The following FMO2 variants were observed in gnomAD, a reference collection of about 807,000 sequenced individuals.
FMO2 encodes the protein flavin-containing monooxygenase 2.
In FMO2, 33 loss-of-function variants were observed where a neutral mutation model predicts 41.6. That is an observed-to-expected ratio of 0.79 (90% confidence interval 0.60 to 1.06). FMO2 has a LOEUF of 1.06. Among genes scored for constraint, FMO2 ranks in the 50% least tolerant of loss-of-function variants. FMO2 has a pLI of 0.00. For missense variants in FMO2, 619 were observed against 632.9 expected, an observed-to-expected ratio of 0.98 and a Z score of 0.23; for synonymous variants, 214 against 219.6, an observed-to-expected ratio of 0.97 and a Z score of 0.23.
chr1:171,193,399 T>C lies in FMO2; in HGVS notation c.197T>C (p.Met66Thr). Residue 66 changes from methionine to threonine, a missense_variant, in exon 3 of 9, where the codon ATG becomes ACG. By Grantham distance (81) the Met-to-Thr change is moderately conservative. Coordinates refer to ENST00000209929, the MANE Select transcript of FMO2 (RefSeq NM_001460.5). ...GTCGTTACCAACACCAGCAAAGAAA[T>C]GTCCTGTTTCAGTGACTTTCCAATG... ...QSVVTNTSKE[M>T]SCFSDFPMPE... 1 of 1,610,350 alleles carries C rather than the reference T, an allele frequency of 6.2e-7. No individual in the cohort carries two copies. The highest frequency in any genetic ancestry group is 2.2e-5 in the East Asian group (1 of 44,870).
At chr1:171,200,591 C>A (rs999154837) in intron 5 of FMO2, among the ~76,000 whole-genome samples, 1 of 152,136 alleles carries the variant, frequency 6.6e-6, no homozygotes, top group African/African-American at 2.4e-5. Flanking sequence ...AAACATGACA[C>A]CCGCCCAGCA....
chr1:171,196,148 T>C (rs1658300265), intron 3 of FMO2, among the ~76,000 whole-genome samples: 1 of 152,248 alleles, frequency 6.6e-6, no homozygotes, highest in South Asian at 2.1e-4. Context: ...GTACATGCCA[T>C]GGTAAACTAT....
Position 171,212,070 on chromosome 1 carries a change from T to G in FMO2, c.*2925T>G, listed in dbSNP as rs182851855. On this transcript the variant is annotated 3_prime_UTR_variant, in exon 9 of 9. Coordinates refer to ENST00000209929, the MANE Select transcript of FMO2 (RefSeq NM_001460.5). ...CTGCAGTTTACAATTTTTGTTCTTC[T>G]CCTGTAAAGAATGTCAATGGTTATC... Among the ~76,000 whole-genome samples, 102 of 152,348 alleles carry G rather than the reference T, an allele frequency of 6.7e-4. No homozygotes were observed. Among genetic ancestry groups the G allele is most frequent in the African/African-American group, 2.0e-3 (83 of 41,588 alleles).
intron 2 of FMO2, among the ~76,000 whole-genome samples, chr1:171,189,277 T>C (rs1362730142): frequency 6.6e-6 from 1 of 152,214 alleles, no homozygotes; most frequent in Non-Finnish European, 1.5e-5. Context: ...CAGATGTATA[T>C]GTTTAGTTAT....
intron 2 of FMO2, among the ~76,000 whole-genome samples, chr1:171,189,882 A>G (rs1233400944): frequency 6.6e-6 from 1 of 152,158 alleles, no homozygotes; most frequent in African/African-American, 2.4e-5. Flanking sequence ...ACAAGGAAGT[A>G]AGAAGAGTTT....
Position 171,199,364 on chromosome 1 carries a change from G to C in FMO2, c.503G>C (p.Gly168Ala). 2 of 1,608,942 alleles carry C rather than the reference G, an allele frequency of 1.2e-6. No individual in the cohort carries two copies. Among genetic ancestry groups the C allele is most frequent in the Non-Finnish European group, 1.7e-6 (2 of 1,177,740 alleles). ...CCTGAAGGTATGGAGAGGTTCAAAGGCCAATATTTCCATAGCCGCCAATAC... is the reference window on the plus strand; with the variant it reads ...CCTGAAGGTATGGAGAGGTTCAAAGCCCAATATTTCCATAGCCGCCAATAC... ...KSFPGMERFK[G>A]QYFHSRQYKH... The change falls in exon 5 of 9, where the codon GGC (glycine) becomes GCC (alanine). Residue 168 changes from glycine (G) to alanine (A), a missense_variant. Transcript: ENST00000209929.
chr1:171,202,631 C>T (rs1373214760), intron 5 of FMO2, among the ~76,000 whole-genome samples: 1 of 152,214 alleles, frequency 6.6e-6, no homozygotes, highest in East Asian at 1.9e-4. Context: ...TTAATACCCC[C>T]ATTTTACAGA....
intron 7 of FMO2, 31 bp downstream of exon 7, chr1:171,205,665 G>T (rs746800737): frequency 2.2e-6 from 3 of 1,390,046 alleles, no homozygotes; most frequent in South Asian, 2.8e-5. Context: ...GTGGCTAAGC[G>T]TTTCAGATCT....
chr1:171,186,588 A>G (rs1054715227), intron 2 of FMO2, among the ~76,000 whole-genome samples: 3 of 152,142 alleles, frequency 2.0e-5, no homozygotes, highest in African/African-American at 7.2e-5. Context: ...CGCACTCACT[A>G]TCATGAGAAC....
chr1:171,204,114 G>T, intron 6 of FMO2, 50 bp downstream of exon 6: 1 of 1,300,986 alleles, frequency 7.7e-7, no homozygotes, highest in Non-Finnish European at 1.1e-6. Context: ...GAGCAAAGTT[G>T]TCTGAAGGTG....
Position 171,209,856 on chromosome 1 carries a change from A to T in FMO2, c.*711A>T, listed in dbSNP as rs1658912555. The T allele has an allele frequency of 6.6e-6, 1 of 152,222 alleles. No homozygotes were observed. The highest frequency in any genetic ancestry group is 2.4e-5 in the African/African-American group (1 of 41,452). 9.4% of individuals were successfully genotyped at this position (152,222 alleles called of 1,614,324 possible). A position where few individuals can be genotyped will look rare whatever the true frequency, so the allele number is the denominator to read the frequency against. On this transcript the variant is annotated 3_prime_UTR_variant, in exon 9 of 9. Transcript: ENST00000209929. ...AGACATTGTGCTATGTGCATATCAT[A>T]TGTATTATTTCATTTAATTCTCACA...
intron 1 of FMO2, 33 bp from the exon 2 acceptor site, chr1:171,185,675 T>A (rs1657810898): frequency 1.2e-6 from 2 of 1,610,460 alleles, no homozygotes; most frequent in Non-Finnish European, 1.7e-6. Context: ...GTTGTCCCAG[T>A]TAAGTAATGT....
At chr1:171,197,453 A>G (rs933440911) in intron 4 of FMO2, among the ~76,000 whole-genome samples, 1 of 152,220 alleles carries the variant, frequency 6.6e-6, no homozygotes, top group African/African-American at 2.4e-5. Flanking sequence ...AAGTTTGCTC[A>G]GGTGATTTTA....
intron 3 of FMO2, among the ~76,000 whole-genome samples, chr1:171,195,615 C>A (rs748765188): frequency 2.0e-5 from 3 of 152,136 alleles, no homozygotes; most frequent in Non-Finnish European, 4.4e-5. Context: ...ACCAACCCAG[C>A]AGTTGGAAAA....
rs61730972 is a variant in FMO2, at chr1:171,196,810, A to G, written c.483A>G (p.Pro161=). 1 of 1,612,132 alleles carries G rather than the reference A, an allele frequency of 6.2e-7. No homozygotes were observed. Among genetic ancestry groups the G allele is most frequent in the South Asian group, 1.1e-5 (1 of 90,650 alleles). The change falls in exon 4 of 9, where the codon CCA becomes CCG. Residue 161 remains proline, a splice_region_variant and synonymous_variant. Transcript: ENST00000209929. ...CTCATATCCCACTGAAGTCATTTCC[A>G]GGTGAGACCCGCTGGGATTCCCAGC... The part of the protein sequence containing the change: ...ILPHIPLKSF[P]GMERFKGQYF...
intron 3 of FMO2, among the ~76,000 whole-genome samples, 171 bp from the exon 4 acceptor site, chr1:171,196,478 G>C (rs1411467977): frequency 6.6e-6 from 1 of 152,174 alleles, no homozygotes; most frequent in East Asian, 1.9e-4. Flanking sequence ...GTTTTCATGA[G>C]AACTTGCTTT....
At position 171,205,555 on chromosome 1, in the gene FMO2, C is replaced by T. The variant is rs568414940; in HGVS notation, c.1104C>T (p.Cys368=). The change falls in exon 7 of 9, where the codon TGC becomes TGT. Residue 368 remains cysteine, a synonymous_variant. Transcript: ENST00000209929. ...ACCTGGACAAGTCAACCCTCGCGTG[C>T]ATTGGTCTCATCCAGCCCCTAGGTT... The part of the protein sequence containing the change: ...PAHLDKSTLA[C]IGLIQPLGSI... 9.9e-6 allele frequency: 16 copies of T among 1,613,822 alleles called. No individual in the cohort carries two copies. In the African/African-American group the frequency reaches 1.9e-4, roughly 19 times the overall value.
intron 2 of FMO2, chr1:171,186,262 C>G (rs1286441036): frequency 6.5e-6 from 1 of 154,418 alleles, no homozygotes; most frequent in East Asian, 1.9e-4. Context: ...ACAAATGAAG[C>G]ATGTTTGTTT....
chr1:171,208,136 G>A (rs1658840306), intron 8 of FMO2, among the ~76,000 whole-genome samples: 1 of 152,266 alleles, frequency 6.6e-6, no homozygotes, highest in African/African-American at 2.4e-5. Context: ...GAGGGAATAG[G>A]ATGAGACAGT....
Sources: allele counts gnomAD v4.1 joint callset (sites outside exome capture counted in the v4.1 genomes callset), GRCh38; gene constraint gnomAD v4.1.1; transcripts MANE v1.5; gene names NCBI Gene and HGNC (gene_info 2026-07-23, HGNC 2026-07-21).